Variants in GLIS3 observed in about 807,000 individuals in gnomAD.
The protein encoded by GLIS3 is GLIS family zinc finger 3.
A neutral mutation model predicts 78.6 loss-of-function variants in GLIS3; 53 were observed. The observed-to-expected ratio is 0.67, with a 90% CI of 0.54 to 0.85. The LOEUF is 0.85. Among genes scored for constraint, GLIS3 ranks in the 40% least tolerant of loss-of-function variants. The probability of loss-of-function intolerance (pLI) is 0.00; values close to 1 mark genes in which losing one functional copy is unlikely to be tolerated. For synonymous variants in GLIS3, 684 were observed against 509.9 expected, an observed-to-expected ratio of 1.34 and a Z score of -4.60; for missense variants, 1,703 against 1,231.1, an observed-to-expected ratio of 1.38 and a Z score of -5.74.
chr9:4,025,213 C>A (rs1823228963), intron 4 of GLIS3, among the ~76,000 whole-genome samples: 1 of 151,712 alleles, frequency 6.6e-6, no homozygotes, highest in Non-Finnish European at 1.5e-5. Context: ...GATGGCGGCA[C>A]TGCACTCCAA....
At chr9:4,038,528 T>A (rs1173126162) in intron 4 of GLIS3, among the ~76,000 whole-genome samples, 1 of 152,172 alleles carries the variant, frequency 6.6e-6, no homozygotes, top group East Asian at 1.9e-4. Flanking sequence ...CCAATACACT[T>A]TCCCAGGCCT....
At chr9:4,074,123 C>G (rs150276001) in intron 4 of GLIS3, among the ~76,000 whole-genome samples, 2 of 152,168 alleles carry the variant, frequency 1.3e-5, no homozygotes, top group African/African-American at 4.8e-5. Context: ...CAATGCAAGT[C>G]ACAAGTTAGT....
intron 4 of GLIS3, among the ~76,000 whole-genome samples, chr9:4,075,617 T>A (rs908248567): frequency 3.3e-5 from 5 of 151,882 alleles, no homozygotes; most frequent in Non-Finnish European, 7.4e-5. Flanking sequence ...TCGATAGGGA[T>A]CAATATATAG....
intron 4 of GLIS3, among the ~76,000 whole-genome samples, chr9:3,953,801 A>ATGTG (rs1816892307): frequency 2.4e-5 from 1 of 41,064 alleles, no homozygotes; most frequent in African/African-American, 8.1e-5. Flanking sequence ...CTCTCTATAT[A>ATGTG]TATATATATA....
chr9:4,433,948 T>C, the GLIS3 span, among the ~76,000 whole-genome samples: 1 of 152,008 alleles, frequency 6.6e-6, no homozygotes, highest in Non-Finnish European at 1.5e-5. Context: ...TACAAAAAAT[T>C]AGCTGGGCGT....
chr9:4,290,174 G>C (rs931273036), intron 1 of GLIS3, among the ~76,000 whole-genome samples: 9 of 152,096 alleles, frequency 5.9e-5, no homozygotes, highest in Non-Finnish European at 7.4e-5. Flanking sequence ...TAACTCATCT[G>C]ATGAGCCAGT....
chr9:4,353,476 T>C, the GLIS3 span, among the ~76,000 whole-genome samples: 2 of 152,186 alleles, frequency 1.3e-5, no homozygotes, highest in African/African-American at 4.8e-5. Context: ...GGATTGTCTC[T>C]GGACTCAGCC....
At chr9:4,023,476 A>G (rs1041824707) in intron 4 of GLIS3, among the ~76,000 whole-genome samples, 2 of 152,210 alleles carry the variant, frequency 1.3e-5, no homozygotes, top group Non-Finnish European at 2.9e-5. Context: ...TCCTAAACAT[A>G]TAAAGATTGC....
At chr9:4,419,938 C>T in the GLIS3 span, among the ~76,000 whole-genome samples, 41 of 152,250 alleles carry the variant, frequency 2.7e-4, no homozygotes, top group African/African-American at 8.7e-4. Flanking sequence ...TATAATTGAA[C>T]ATGAGATTTG....
the GLIS3 span, among the ~76,000 whole-genome samples, chr9:4,488,085 A>G: frequency 7.0e-6 from 1 of 143,572 alleles, no homozygotes; most frequent in Admixed American, 7.4e-5. Flanking sequence ...TTTTCTAAGC[A>G]CATGGTTTTA....
At chr9:4,008,418 G>T (rs1821732059) in intron 4 of GLIS3, among the ~76,000 whole-genome samples, 1 of 152,138 alleles carries the variant, frequency 6.6e-6, no homozygotes, top group Non-Finnish European at 1.5e-5. Flanking sequence ...GTGAAGAGGA[G>T]GACAGAATGT....
intron 2 of GLIS3, among the ~76,000 whole-genome samples, chr9:4,216,019 G>A (rs544002609): frequency 1.3e-5 from 2 of 152,136 alleles, no homozygotes; most frequent in Non-Finnish European, 2.9e-5. Context: ...TGGTCCAGTT[G>A]CGGCCTTCCT....
intron 2 of GLIS3, among the ~76,000 whole-genome samples, chr9:4,232,089 C>G (rs1822302390): frequency 6.6e-6 from 1 of 152,034 alleles, no homozygotes; most frequent in African/African-American, 2.4e-5. Context: ...AAAAATGAAA[C>G]AGACAGGACT....
chr9:4,406,756 T>G, the GLIS3 span, among the ~76,000 whole-genome samples: 8 of 152,200 alleles, frequency 5.3e-5, no homozygotes, highest in East Asian at 1.5e-3. Flanking sequence ...GAAAGATCTC[T>G]TCAATAAAAA....
chr9:4,028,297 A>G (rs1823520636), intron 4 of GLIS3, among the ~76,000 whole-genome samples: 1 of 152,192 alleles, frequency 6.6e-6, no homozygotes. Flanking sequence ...GAGATCATGC[A>G]TTTTGTAAGA....
chr9:3,940,139 G>C (rs1815769013), intron 4 of GLIS3, among the ~76,000 whole-genome samples: 2 of 152,268 alleles, frequency 1.3e-5, no homozygotes, highest in South Asian at 4.1e-4. Context: ...TTTACCGCTA[G>C]ATTTATAAGT....
chr9:4,118,773 A>G lies in GLIS3; in HGVS notation c.705T>C (p.Pro235=), dbSNP rs768438666. The stretch of plus-strand genomic sequence containing the variant: ...TCTGAGAGCCGTGGTTGGAGAGCGA[A>G]GGGAGGGCCCTGTAGCCCTGGGACC... ...QEWSQGYRAL[P]SLSNHGSQNG... The change falls in exon 4 of 11, where the codon CCT becomes CCC. Residue 235 remains proline, a synonymous_variant. Transcript: ENST00000381971. This position sits in a 1 kb window ranked among gnomAD's most constrained non-coding sequence, Gnocchi z 4.7. 6.1e-5 allele frequency: 99 copies of G among 1,612,968 alleles called. No homozygotes were observed. Among genetic ancestry groups the G allele is most frequent in the Non-Finnish European group, 8.3e-5 (98 of 1,180,030 alleles).
chr9:4,017,141 A>C (rs191825139), intron 4 of GLIS3, among the ~76,000 whole-genome samples: 1 of 152,262 alleles, frequency 6.6e-6, no homozygotes, highest in East Asian at 1.9e-4. Context: ...CCACACTGCC[A>C]CCCAGATATC....
At chr9:4,261,243 C>T (rs879175698) in intron 2 of GLIS3, among the ~76,000 whole-genome samples, 1 of 152,140 alleles carries the variant, frequency 6.6e-6, no homozygotes, top group Admixed American at 6.5e-5. Context: ...CACTCAGGTG[C>T]AGAATAAACG....
Sources: gnomAD v4.1 joint callset for allele counts (sites outside exome capture counted in the v4.1 genomes callset) on GRCh38, gnomAD v4.1.1 for gene constraint, Gnocchi (gnomAD v3.1) non-coding constraint, MANE v1.5 for transcripts, NCBI Gene and HGNC (gene_info 2026-07-23, HGNC 2026-07-21) for gene names.